The following RSRC1 variants were observed in gnomAD, a reference collection of about 807,000 sequenced individuals.
RSRC1 encodes the protein arginine and serine rich coiled-coil 1, also known as serine/Arginine-related protein 53.
A neutral mutation model predicts 49.1 loss-of-function variants in RSRC1; 39 were observed. That is an observed-to-expected ratio of 0.79 (90% CI 0.61 to 1.04). The LOEUF is 1.04. RSRC1 is among the 50% of genes least tolerant of loss of function. The pLI, the probability that RSRC1 is intolerant of heterozygous loss-of-function variation, is 0.00. For synonymous variants in RSRC1, 143 were observed against 130.8 expected, an observed-to-expected ratio of 1.09 and a Z score of -0.63; for missense variants, 388 against 402.4, an observed-to-expected ratio of 0.96 and a Z score of 0.31.
chr3:158,371,100 A>G (rs1387369979), intron 6 of RSRC1, among the ~76,000 whole-genome samples: 2 of 151,804 alleles, frequency 1.3e-5, no homozygotes, highest in Non-Finnish European at 2.9e-5. Flanking sequence ...ATCTGCTCAT[A>G]TCTTTTGCCT....
chr3:158,256,165 T>G (rs1220257456), intron 4 of RSRC1, among the ~76,000 whole-genome samples: 4 of 152,162 alleles, frequency 2.6e-5, no homozygotes, highest in Non-Finnish European at 2.9e-5. Context: ...TGCTTCCAGT[T>G]TTTGCCCATT....
chr3:158,354,165 A>G (rs1232021043), intron 5 of RSRC1, among the ~76,000 whole-genome samples: 12 of 151,358 alleles, frequency 7.9e-5, no homozygotes, highest in Middle Eastern at 3.2e-3. Context: ...TACTTTTTGT[A>G]TTTTTAGTAG....
At chr3:158,330,214 C>A (rs1451350864) in intron 5 of RSRC1, among the ~76,000 whole-genome samples, 1 of 152,196 alleles carries the variant, frequency 6.6e-6, no homozygotes, top group Non-Finnish European at 1.5e-5. Flanking sequence ...TGCTTCAGCT[C>A]ACACTAGGTG....
At chr3:158,497,417 C>A (rs1461959237) in intron 7 of RSRC1, among the ~76,000 whole-genome samples, 1 of 148,736 alleles carries the variant, frequency 6.7e-6, no homozygotes, top group African/African-American at 2.5e-5. Flanking sequence ...CTCTTCCCCC[C>A]AAGTCCTCAC....
At position 158,438,623 on chromosome 3, in the gene RSRC1, A is replaced by C. The variant is rs1578478375; in HGVS notation, c.584-22312A>C. Among the ~76,000 whole-genome samples the C allele has an allele frequency of 1.3e-5, 2 of 152,202 alleles. 1 individual carries two copies. The highest frequency in any genetic ancestry group is 4.1e-4 in the South Asian group (2 of 4,836). On this transcript the variant is annotated intron_variant, in intron 6 of 9. Coordinates refer to ENST00000611884, the MANE Select transcript of RSRC1 (RefSeq NM_001271838.2). ...GGAAAACTGGCTAGCCATATGTAGA[A>C]AGCTGAAACTGGATCACTTCCTTAC...
chr3:158,425,329 C>T (rs1392434025), intron 6 of RSRC1, among the ~76,000 whole-genome samples: 5 of 152,080 alleles, frequency 3.3e-5, no homozygotes, highest in East Asian at 1.9e-4. Flanking sequence ...GCCTTCATTT[C>T]GTTATGTACC....
intron 5 of RSRC1, among the ~76,000 whole-genome samples, chr3:158,309,326 G>C (rs184699268): frequency 6.6e-6 from 1 of 151,806 alleles, no homozygotes; most frequent in East Asian, 1.9e-4. Flanking sequence ...TCTTGATGTG[G>C]TATCTGCTTT....
intron 3 of RSRC1, among the ~76,000 whole-genome samples, chr3:158,124,983 C>G (rs1715524182): frequency 6.6e-6 from 1 of 151,704 alleles, no homozygotes; most frequent in Admixed American, 6.6e-5. Flanking sequence ...GCCTGGCTGA[C>G]TTTTTAAAAT....
At chr3:158,393,025 CA>C (rs1733404960) in intron 6 of RSRC1, among the ~76,000 whole-genome samples, 1 of 151,996 alleles carries the variant, frequency 6.6e-6, no homozygotes, top group Non-Finnish European at 1.5e-5. Context: ...GAAGATTGCT[CA>C]AAACCATATA....
chr3:158,513,624 G>C (rs1740315964), intron 7 of RSRC1, among the ~76,000 whole-genome samples: 2 of 152,152 alleles, frequency 1.3e-5, no homozygotes, highest in South Asian at 4.1e-4. Context: ...GATGATGCTG[G>C]CCTCATAAAA....
At chr3:158,246,921 G>T (rs1161250291) in intron 4 of RSRC1, among the ~76,000 whole-genome samples, 1 of 152,052 alleles carries the variant, frequency 6.6e-6, no homozygotes, top group Non-Finnish European at 1.5e-5. Flanking sequence ...TTGAATGTTG[G>T]CCTGTCTTGC....
intron 3 of RSRC1, among the ~76,000 whole-genome samples, chr3:158,168,630 G>A (rs976087581): frequency 6.6e-6 from 1 of 151,928 alleles, no homozygotes. Flanking sequence ...AGTTGAGAAG[G>A]GTTTATTTTG....
chr3:158,326,283 A>G (rs914874074), intron 5 of RSRC1, among the ~76,000 whole-genome samples: 2 of 152,178 alleles, frequency 1.3e-5, no homozygotes, highest in Non-Finnish European at 2.9e-5. Flanking sequence ...AGGAGTGGTG[A>G]GAGAGGACAT....
intron 7 of RSRC1, among the ~76,000 whole-genome samples, chr3:158,477,532 A>G (rs1738418921): frequency 6.6e-6 from 1 of 152,082 alleles, no homozygotes. Context: ...TTTTAGCAAT[A>G]AAGTATGTTT....
At chr3:158,354,450 G>T (rs1731051016) in intron 5 of RSRC1, among the ~76,000 whole-genome samples, 1 of 152,202 alleles carries the variant, frequency 6.6e-6, no homozygotes, top group Admixed American at 6.5e-5. Context: ...GCAGAAAAGT[G>T]GTTTTAGAGT....
At chr3:158,442,732 A>G (rs559861908) in intron 6 of RSRC1, among the ~76,000 whole-genome samples, 1 of 152,208 alleles carries the variant, frequency 6.6e-6, no homozygotes, top group East Asian at 1.9e-4. Context: ...TTACTTTGGA[A>G]GTCCATCAGA....
intron 3 of RSRC1, among the ~76,000 whole-genome samples, chr3:158,194,286 A>AAATT (rs1720416016): frequency 1.3e-5 from 2 of 151,832 alleles, no homozygotes; most frequent in African/African-American, 4.8e-5. Flanking sequence ...ATAAATAAAT[A>AAATT]AAGGAATGAA....
At chr3:158,142,394 GT>G (rs1219400179) in intron 3 of RSRC1, among the ~76,000 whole-genome samples, 2 of 152,314 alleles carry the variant, frequency 1.3e-5, no homozygotes, top group Non-Finnish European at 2.9e-5. Context: ...ATGGTTCATT[GT>G]GGAGTACTTT....
intron 6 of RSRC1, among the ~76,000 whole-genome samples, chr3:158,385,290 A>C (rs1170483400): frequency 1.3e-5 from 2 of 152,166 alleles, no homozygotes; most frequent in East Asian, 3.8e-4. Flanking sequence ...AGAGCTGTGC[A>C]GGCAATATGG....
Sources: gnomAD v4.1 joint callset for allele counts (sites outside exome capture counted in the v4.1 genomes callset) on GRCh38, gnomAD v4.1.1 for gene constraint, MANE v1.5 for transcripts, NCBI Gene and HGNC (gene_info 2026-07-23, HGNC 2026-07-21) for gene names.